GALNT2: variants seen among roughly 807,000 people sequenced by gnomAD.
GALNT2 encodes polypeptide N-acetylgalactosaminyltransferase 2.
In GALNT2, 31 loss-of-function variants were observed where a neutral mutation model predicts 81.4. The ratio of observed to expected loss-of-function variants is 0.38; its 90% CI spans 0.29 to 0.51. The LOEUF is 0.51. Ranked by LOEUF, GALNT2 falls within the 20% of genes least tolerant of loss-of-function variation. The pLI, the probability that GALNT2 is intolerant of heterozygous loss-of-function variation, is 0.87. For synonymous variants in GALNT2, 303 were observed against 287.4 expected, an observed-to-expected ratio of 1.05 and a Z score of -0.55; for missense variants, 629 against 765.7, an observed-to-expected ratio of 0.82 and a Z score of 2.11.
chr1:230,090,699 A>G (rs1025332715), intron 1 of GALNT2, among the ~76,000 whole-genome samples: 1 of 152,232 alleles, frequency 6.6e-6, no homozygotes, highest in African/African-American at 2.4e-5. Flanking sequence ...GCGGTTGTGT[A>G]TGTGTAACAC....
In GALNT2 at chr1:230,128,804, C is replaced by T. The variant is rs1661274912; in HGVS notation, c.127-49414C>T. On this transcript the variant is annotated intron_variant, in intron 1 of 15. Coordinates refer to ENST00000366672, the MANE Select transcript of GALNT2 (RefSeq NM_004481.5). The stretch of plus-strand genomic sequence containing the variant: ...AGAGCATCAGCTCAGGACAGCCTTC[C>T]TAAGCCCCCATCTTCCTATATGTGG... 3.3e-5 allele frequency among the ~76,000 whole-genome samples: 5 copies of T among 152,296 alleles called. No individual in the cohort carries two copies. The South Asian group carries it at 1.0e-3, about 32-fold the overall frequency.
chr1:230,091,313 A>G (rs1423665438), intron 1 of GALNT2, among the ~76,000 whole-genome samples: 1 of 151,088 alleles, frequency 6.6e-6, no homozygotes, highest in East Asian at 1.9e-4. Context: ...TGACCTTGTG[A>G]TACGGCCACC....
upstream of GALNT2, among the ~76,000 whole-genome samples, chr1:230,064,205 T>C (rs932758488): frequency 1.3e-5 from 2 of 152,220 alleles, no homozygotes; most frequent in African/African-American, 4.8e-5. Context: ...GCTACTGATA[T>C]TGCAGACAAT....
chr1:230,273,478 C>G (rs532756338), intron 14 of GALNT2, among the ~76,000 whole-genome samples: 1 of 152,270 alleles, frequency 6.6e-6, no homozygotes, highest in South Asian at 2.1e-4. Flanking sequence ...GCCTTGCTGC[C>G]CCTCGATATT....
chr1:230,059,311 C>T (rs1423443230), intron 1 of GALNT2, among the ~76,000 whole-genome samples: 1 of 152,134 alleles, frequency 6.6e-6, no homozygotes, highest in Non-Finnish European at 1.5e-5. Flanking sequence ...AGGAAAAAGC[C>T]CTAAGGGCTT....
chr1:230,111,248 CTAA>C lies in GALNT2; in HGVS notation c.126+43844_126+43846del, dbSNP rs369428767. On this transcript the variant is annotated intron_variant, in intron 1 of 15. Transcript: ENST00000366672. ...ATGCATGTACCTACACGTGTGCATA[CTAA>C]TTTGTGCACACGTGCACACTGCAAT... is the stretch of plus-strand genomic sequence containing the variant. 8.6e-3 allele frequency among the ~76,000 whole-genome samples: 922 copies of C among 106,906 alleles called. 6 individuals are homozygous for C. The highest frequency in any genetic ancestry group is 0.024 in the African/African-American group (780 of 32,766). 70.1% of individuals were successfully genotyped at this position (106,906 alleles called of 152,430 possible). A position where few individuals can be genotyped will look rare whatever the true frequency, so the allele number is the denominator to read the frequency against.
upstream of GALNT2, among the ~76,000 whole-genome samples, chr1:230,064,193 C>T (rs1295794601): frequency 2.0e-5 from 3 of 152,154 alleles, no homozygotes; most frequent in Admixed American, 6.5e-5. Flanking sequence ...TCACTACTAC[C>T]TGCTACTGAT....
intron 3 of GALNT2, among the ~76,000 whole-genome samples, chr1:230,216,786 T>A (rs998878614): frequency 6.6e-6 from 1 of 152,188 alleles, no homozygotes; most frequent in Non-Finnish European, 1.5e-5. Context: ...TAATCTCCAC[T>A]GCCATCTGTA....
At chr1:230,127,626 G>A (rs12086347) in intron 1 of GALNT2, among the ~76,000 whole-genome samples, 41,310 of 151,412 alleles carry the variant, frequency 0.27, 5,696 homozygotes, top group African/African-American at 0.32. Flanking sequence ...CACCCACCTC[G>A]GCCTCCCAAA....
chr1:230,219,571 C>T (rs1174655729), intron 3 of GALNT2, among the ~76,000 whole-genome samples: 1 of 152,102 alleles, frequency 6.6e-6, no homozygotes, highest in Non-Finnish European at 1.5e-5. Flanking sequence ...CTGCATGCCC[C>T]TCCCACACAA....
At chr1:230,083,412 G>T (rs923676195) in intron 1 of GALNT2, among the ~76,000 whole-genome samples, 1 of 150,014 alleles carries the variant, frequency 6.7e-6, no homozygotes, top group African/African-American at 2.5e-5. Flanking sequence ...GGAGCGGGAT[G>T]ATGGAGCGGG....
chr1:230,128,257 A>ATGTGTGTGTGTGTGTG (rs59410758), intron 1 of GALNT2, among the ~76,000 whole-genome samples: 11,825 of 149,712 alleles, frequency 0.079, 535 homozygotes, highest in Admixed American at 0.14. Context: ...GCGCTGGAGA[A>ATGTGTGTGTGTGTGTG]TGTGTGTGTG....
At chr1:230,201,249 C>T (rs1186908173) in intron 2 of GALNT2, among the ~76,000 whole-genome samples, 3 of 152,030 alleles carry the variant, frequency 2.0e-5, no homozygotes, top group Non-Finnish European at 4.4e-5. Context: ...TTATTGGGGC[C>T]GTGGTATCAT....
chr1:230,232,322 T>A (rs1187399322), intron 3 of GALNT2, among the ~76,000 whole-genome samples: 2 of 152,202 alleles, frequency 1.3e-5, no homozygotes, highest in African/African-American at 4.8e-5. Context: ...ATGGATGCCT[T>A]ATGAATATGT....
At chr1:230,231,026 T>G (rs1664851535) in intron 3 of GALNT2, among the ~76,000 whole-genome samples, 1 of 152,206 alleles carries the variant, frequency 6.6e-6, no homozygotes, top group African/African-American at 2.4e-5. Context: ...GAGCCCTTCT[T>G]GCAGGCCTGG....
At chr1:230,147,862 C>T (rs1290505371) in intron 1 of GALNT2, among the ~76,000 whole-genome samples, 3 of 152,208 alleles carry the variant, frequency 2.0e-5, no homozygotes, top group Non-Finnish European at 2.9e-5. Context: ...GAAGAGAGCT[C>T]GTCTTTAGCT....
chr1:230,265,689 C>CGAG (rs2102767426), intron 14 of GALNT2, among the ~76,000 whole-genome samples: 1 of 152,334 alleles, frequency 6.6e-6, no homozygotes, highest in African/African-American at 2.4e-5. Context: ...TGCACTCAAC[C>CGAG]GCAAAGCACC....
intron 1 of GALNT2, among the ~76,000 whole-genome samples, chr1:230,121,900 A>G (rs1389833350): frequency 6.8e-6 from 1 of 147,762 alleles, no homozygotes; most frequent in East Asian, 2.0e-4. Flanking sequence ...TTATTTTTTG[A>G]TATATAAATT....
chr1:230,159,060 A>C lies in GALNT2; in HGVS notation c.127-19158A>C, dbSNP rs566556543. Among the ~76,000 whole-genome samples, 3 of 152,230 alleles carry C rather than the reference A, an allele frequency of 2.0e-5. No homozygotes were observed. The South Asian group carries it at 6.2e-4, about 32-fold the overall frequency. On this transcript the variant is annotated intron_variant, in intron 1 of 15. Coordinates refer to ENST00000366672, the MANE Select transcript of GALNT2 (RefSeq NM_004481.5). ...AGGTTGCTGACACTGCTTTTGGATG[A>C]GAGAGAGAGTAGTGGTTGAAACAGA... is the stretch of plus-strand genomic sequence containing the variant.
Sources: gnomAD v4.1 joint callset for allele counts (sites outside exome capture counted in the v4.1 genomes callset) on GRCh38, gnomAD v4.1.1 for gene constraint, MANE v1.5 for transcripts, NCBI Gene and HGNC (gene_info 2026-07-23, HGNC 2026-07-21) for gene names.